Variants in SDK1 observed in about 807,000 individuals in gnomAD.
SDK1 encodes the protein sidekick cell adhesion molecule 1, also known as protein sidekick-1.
Under a neutral mutation model 245.5 loss-of-function variants are expected in SDK1, and 157 were observed. The observed-to-expected ratio is 0.64, with a 90% CI of 0.56 to 0.73. SDK1 has a LOEUF of 0.73. SDK1 is among the 30% of genes least tolerant of loss of function. The pLI, the probability that SDK1 is intolerant of heterozygous loss-of-function variation, is 0.00. For synonymous variants in SDK1, 1,647 were observed against 1,278.5 expected (o/e 1.29, Z -6.15); for missense variants, 3,583 against 3,002.3 (o/e 1.19, Z -4.52).
chr7:3,751,932 C>A (rs1484157623), intron 4 of SDK1, among the ~76,000 whole-genome samples: 1 of 152,160 alleles, frequency 6.6e-6, no homozygotes, highest in African/African-American at 2.4e-5. Context: ...ACATTACAAA[C>A]AATGGGGAAG....
At chr7:3,737,841 G>T (rs1001822703) in intron 4 of SDK1, among the ~76,000 whole-genome samples, 2 of 152,224 alleles carry the variant, frequency 1.3e-5, no homozygotes, top group African/African-American at 2.4e-5. Flanking sequence ...CTTAGGGGAA[G>T]TCTCTTTGTC....
intron 38 of SDK1, among the ~76,000 whole-genome samples, chr7:4,210,613 T>G (rs1784462996): frequency 6.6e-6 from 1 of 152,184 alleles, no homozygotes. Context: ...TCCCCGTGTC[T>G]TAGCACCCTG....
At chr7:3,553,036 TA>T (rs1313256211) in intron 1 of SDK1, among the ~76,000 whole-genome samples, 1 of 152,200 alleles carries the variant, frequency 6.6e-6, no homozygotes, top group Non-Finnish European at 1.5e-5. Flanking sequence ...AGAGAAATAG[TA>T]AATAAAAAAT....
chr7:3,391,190 T>C (rs1385599954), intron 1 of SDK1, among the ~76,000 whole-genome samples: 1 of 151,140 alleles, frequency 6.6e-6, no homozygotes, highest in African/African-American at 2.5e-5. Context: ...TGGTACTATG[T>C]CTTCTGCAAT....
intron 5 of SDK1, among the ~76,000 whole-genome samples, chr7:3,845,853 T>C (rs1780265215): frequency 6.6e-6 from 1 of 152,226 alleles, no homozygotes; most frequent in African/African-American, 2.4e-5. Flanking sequence ...AGAAAGCGGA[T>C]GAATTGGCAG....
intron 4 of SDK1, among the ~76,000 whole-genome samples, chr7:3,761,239 T>G (rs1157450094): frequency 8.0e-5 from 12 of 150,874 alleles, no homozygotes; most frequent in Non-Finnish European, 7.4e-5. Flanking sequence ...CAGTAGTTTT[T>G]TTTTTATCAA....
intron 1 of SDK1, among the ~76,000 whole-genome samples, chr7:3,560,207 C>T (rs897921759): frequency 2.0e-5 from 3 of 152,130 alleles, no homozygotes; most frequent in Non-Finnish European, 4.4e-5. Flanking sequence ...ATCTTGAATA[C>T]CCTAGCGTAT....
In SDK1 at chr7:4,049,397, C is replaced by G. The variant is rs777645387; in HGVS notation, c.2652C>G (p.Thr884=). 1 of 1,614,184 alleles carries G rather than the reference C, an allele frequency of 6.2e-7. No individual in the cohort carries two copies. Among genetic ancestry groups the G allele is most frequent in the African/African-American group, 1.3e-5 (1 of 75,050 alleles). The change falls in exon 18 of 45, where the codon ACC becomes ACG. Residue 884 remains threonine (T), a synonymous_variant. Coordinates refer to ENST00000404826, the MANE Select transcript of SDK1 (RefSeq NM_152744.4). The part of the protein sequence containing the change: ...QNVQTEAVNS[T]TIQFLWNPPP... Reference sequence around the variant, plus strand: ...TGCAGACGGAAGCCGTGAACTCCACCACCATTCAGTTCCTGTGGAACCCTC... The same window carrying G: ...TGCAGACGGAAGCCGTGAACTCCACGACCATTCAGTTCCTGTGGAACCCTC...
Position 3,903,802 on chromosome 7 carries a change from C to G in SDK1, c.848-47121C>G, listed in dbSNP as rs530529500. Among the ~76,000 whole-genome samples, 6 of 152,246 alleles carry G rather than the reference C, an allele frequency of 3.9e-5. No homozygotes were observed. The South Asian group carries it at 6.2e-4, about 16-fold the overall frequency. On this transcript the variant is annotated intron_variant, in intron 5 of 44. Transcript: ENST00000404826. ...GGGGCCTCATGGGAGGTGTTTGGGT[C>G]ACGGAAGTGGGTCCCTCATGAACAG...
intron 1 of SDK1, among the ~76,000 whole-genome samples, chr7:3,610,519 G>C (rs1328390171): frequency 1.3e-5 from 2 of 152,120 alleles, no homozygotes; most frequent in East Asian, 3.8e-4. Flanking sequence ...ATTTCAGTTT[G>C]GAGAAACGGG....
intron 1 of SDK1, among the ~76,000 whole-genome samples, chr7:3,326,600 T>C (rs1287283162): frequency 6.6e-6 from 1 of 152,164 alleles, no homozygotes; most frequent in Non-Finnish European, 1.5e-5. Flanking sequence ...TAGTGTTAGT[T>C]TACACATCCA....
At chr7:4,072,038 C>T (rs542969833) in intron 20 of SDK1, among the ~76,000 whole-genome samples, 10 of 152,374 alleles carry the variant, frequency 6.6e-5, no homozygotes, top group Non-Finnish European at 1.3e-4. Flanking sequence ...CAACATTTCA[C>T]GGCTAAGCAG....
In SDK1 at chr7:4,077,208, G is replaced by A. The variant is rs115108058; in HGVS notation, c.3202+19G>A. On this transcript the variant is annotated intron_variant, in intron 21 of 44. Transcript: ENST00000404826. Reference sequence around the variant, plus strand: ...CCCCCAGGTCAGTAGAATCGTGTGCGGTCCTCCTGCTGTCACCTTTCTCTT... The same window carrying A: ...CCCCCAGGTCAGTAGAATCGTGTGCAGTCCTCCTGCTGTCACCTTTCTCTT... The A allele has an allele frequency of 1.1e-4, 171 of 1,609,476 alleles. 1 individual carries two copies. The highest frequency in any genetic ancestry group is 6.6e-4 in the Middle Eastern group (4 of 6,044).
At position 4,116,637 on chromosome 7, in the gene SDK1, A is replaced by C. The variant is rs190162056; in HGVS notation, c.3823+2363A>C. Among the ~76,000 whole-genome samples the C allele has an allele frequency of 2.4e-4, 37 of 152,310 alleles. 1 individual carries two copies. The highest frequency in any genetic ancestry group is 8.4e-4 in the African/African-American group (35 of 41,568). ...TGGTTAACTTTCAGCCACCAGCACC[A>C]AGCCAAAGCTCCTGTGCCACTTTGT... On this transcript the variant is annotated intron_variant, in intron 25 of 44. Coordinates refer to ENST00000404826, the MANE Select transcript of SDK1 (RefSeq NM_152744.4).
intron 1 of SDK1, among the ~76,000 whole-genome samples, chr7:3,454,136 C>T (rs946552853): frequency 2.0e-5 from 3 of 151,856 alleles, no homozygotes; most frequent in African/African-American, 4.8e-5. Context: ...AACTTGGACC[C>T]GAGATCAATT....
At chr7:3,659,931 T>C (rs1190143309) in intron 4 of SDK1, among the ~76,000 whole-genome samples, 1 of 152,118 alleles carries the variant, frequency 6.6e-6, no homozygotes. Flanking sequence ...ATTAGAGCCC[T>C]TGGGGGAATC....
At chr7:3,374,503 T>G (rs1415424590) in intron 1 of SDK1, among the ~76,000 whole-genome samples, 1 of 152,204 alleles carries the variant, frequency 6.6e-6, no homozygotes. Flanking sequence ...TGAAAGCCCT[T>G]CAGTGGCTGC....
chr7:3,503,339 A>C (rs1043917858), intron 1 of SDK1, among the ~76,000 whole-genome samples: 7 of 152,182 alleles, frequency 4.6e-5, no homozygotes, highest in African/African-American at 1.7e-4. Context: ...ATGATGATTG[A>C]ATCTTGTCAG....
chr7:4,062,968 G>A (rs996813405), intron 19 of SDK1, among the ~76,000 whole-genome samples: 1 of 152,234 alleles, frequency 6.6e-6, no homozygotes, highest in Admixed American at 6.5e-5. Context: ...GTATGATAAA[G>A]TCTGTATATG....
Sources: allele counts gnomAD v4.1 joint callset (sites outside exome capture counted in the v4.1 genomes callset), GRCh38; gene constraint gnomAD v4.1.1; transcripts MANE v1.5; gene names NCBI Gene and HGNC (gene_info 2026-07-23, HGNC 2026-07-21).